Variants in DIDO1 observed in about 807,000 individuals in gnomAD.
DIDO1 encodes death inducer-obliterator 1.
In DIDO1, 16 loss-of-function variants were observed where a neutral mutation model predicts 99.4. The observed-to-expected ratio is 0.16, with a 90% confidence interval of 0.11 to 0.24. The LOEUF is 0.24. DIDO1 is among the 10% of genes least tolerant of loss of function. The pLI, the probability that DIDO1 is intolerant of heterozygous loss-of-function variation, is 1.00. For missense variants in DIDO1, 2,996 were observed against 3,014.0 expected, an observed-to-expected ratio of 0.99 and a Z score of 0.14; for synonymous variants, 1,366 against 1,239.1, an observed-to-expected ratio of 1.10 and a Z score of -2.15.
intron 1 of DIDO1, among the ~76,000 whole-genome samples, 154 bp from the exon 2 acceptor site, chr20:62,914,560 G>A (rs1352439323): frequency 1.3e-5 from 2 of 152,214 alleles, no homozygotes; most frequent in African/African-American, 4.8e-5. Context: ...CAGCACGCAA[G>A]CAGTGTCCTT....
upstream of DIDO1, among the ~76,000 whole-genome samples, chr20:62,931,052 T>C (rs1277949880): frequency 6.6e-6 from 1 of 152,204 alleles, no homozygotes; most frequent in African/African-American, 2.4e-5. Context: ...GCAACCCTCC[T>C]GCCTCACCCT....
Position 62,880,326 on chromosome 20 carries a change from G to A in DIDO1, c.5630C>T (p.Pro1877Leu), listed in dbSNP as rs757634830. The A allele has an allele frequency of 1.2e-6, 2 of 1,612,840 alleles. No homozygotes were observed. The highest frequency in any genetic ancestry group is 1.7e-5 in the Admixed American group (1 of 60,032). Residue 1877 changes from proline to leucine, a missense_variant, in exon 16 of 16, where the codon CCA becomes CTA. Physicochemically the swap from Pro to Leu is moderately conservative, Grantham distance 98. Coordinates refer to ENST00000395343, the MANE Select transcript of DIDO1 (RefSeq NM_001193369.2). ...PAQFEGTEQA[P>L]FLGSRGGAPF... is the part of the protein sequence containing the mutation. Reference sequence around the variant, plus strand: ...CGCGCCGCCTCTGCTTCCCAGAAATGGGGCTTGCTCTGTCCCTTCAAACTG... The same window carrying A: ...CGCGCCGCCTCTGCTTCCCAGAAATAGGGCTTGCTCTGTCCCTTCAAACTG...
At position 62,911,497 on chromosome 20, in the gene DIDO1, C is replaced by A; in HGVS notation, c.116G>T (p.Gly39Val). Residue 39 changes from glycine to valine, a missense_variant, in exon 3 of 16, where the codon GGC becomes GTC. Coordinates refer to ENST00000395343, the MANE Select transcript of DIDO1 (RefSeq NM_001193369.2). This position sits in a 1 kb window ranked among gnomAD's most constrained non-coding sequence, Gnocchi z 7.0. ...FRRTTIAKRE[G>V]AGDAEADPLE... ...TGGGTCAGCCTCCGCGTCCCCTGCG[C>A]CCTCTCGCTTGGCGATAGTGGTCCT... The A allele has an allele frequency of 6.2e-7, 1 of 1,612,844 alleles. No individual in the cohort carries two copies.
rs2064936957 is a variant in DIDO1 at position 62,911,396 on chromosome 20, G to A, written c.217C>T (p.Arg73Cys). ...RSGRQPKRTE[R>C]VEQFLTIARR... ...GCAATGGTCAGGAACTGCTCCACGCGCTCAGTGCGCTTGGGCTGCCTCCCA... is the reference window on the plus strand; with the variant it reads ...GCAATGGTCAGGAACTGCTCCACGCACTCAGTGCGCTTGGGCTGCCTCCCA... Residue 73 changes from arginine (R) to cysteine (C), a missense_variant, in exon 3 of 16, where the codon CGC becomes TGC. Around this residue, in one of 5 missense-constraint regions of DIDO1, gnomAD observed 388 missense variants for 376.6 expected, o/e 1.03. Coordinates refer to ENST00000395343, the MANE Select transcript of DIDO1 (RefSeq NM_001193369.2). The surrounding 1 kb of genome is among the most constrained non-coding windows in gnomAD (Gnocchi z 7.0). 3.1e-6 allele frequency: 5 copies of A among 1,611,920 alleles called. No individual in the cohort carries two copies. The highest frequency in any genetic ancestry group is 4.2e-6 in the Non-Finnish European group (5 of 1,179,304).
chr20:62,902,551 C>G (rs1312545179), intron 6 of DIDO1, among the ~76,000 whole-genome samples: 2 of 152,148 alleles, frequency 1.3e-5, no homozygotes, highest in African/African-American at 4.8e-5. Context: ...CTCTTAGGTT[C>G]TAGAATCCCC....
intron 8 of DIDO1, among the ~76,000 whole-genome samples, chr20:62,895,827 G>A (rs1555842245): frequency 2.6e-5 from 4 of 152,176 alleles, no homozygotes; most frequent in Non-Finnish European, 4.4e-5. Context: ...AGGCTCACTC[G>A]GCTGATGAGG....
In DIDO1 at chr20:62,896,713, G is replaced by A. The variant is rs2064534713; in HGVS notation, c.1872C>T (p.Ala624=). The part of the protein sequence containing the change: ...AGPAPAAATA[A]SKKFPGSAAL... ...CAGCGGAGCCAGGGAACTTCTTGGAGGCAGCCGTTGCCGCTGCAGGTGCCG... is the reference window on the plus strand; with the variant it reads ...CAGCGGAGCCAGGGAACTTCTTGGAAGCAGCCGTTGCCGCTGCAGGTGCCG... The change falls in exon 7 of 16, where the codon GCC becomes GCT. Residue 624 remains alanine, a synonymous_variant. Transcript: ENST00000395343. The surrounding 1 kb of genome is among the most constrained non-coding windows in gnomAD (Gnocchi z 4.4). The A allele has an allele frequency of 1.9e-6, 3 of 1,613,660 alleles. No individual in the cohort carries two copies. In the South Asian group the frequency reaches 3.3e-5, roughly 18 times the overall value.
At chr20:62,905,665 C>T (rs924004911) in intron 6 of DIDO1, 2 of 1,590,466 alleles carry the variant, frequency 1.3e-6, no homozygotes, top group African/African-American at 2.7e-5. Context: ...GTGAGGTTTA[C>T]AGCTTTGGAA....
At chr20:62,923,326 C>G (rs912818961) in intron 1 of DIDO1, among the ~76,000 whole-genome samples, 6 of 152,150 alleles carry the variant, frequency 3.9e-5, no homozygotes, top group African/African-American at 1.4e-4. Flanking sequence ...CAGGCACGTA[C>G]CACCACACCC....
intron 1 of DIDO1, among the ~76,000 whole-genome samples, chr20:62,921,151 C>T (rs2065129161): frequency 6.6e-6 from 1 of 152,216 alleles, no homozygotes; most frequent in African/African-American, 2.4e-5. Context: ...CCACCTTGGC[C>T]TCCCAAAGTG....
chr20:62,884,137 A>G lies in DIDO1; in HGVS notation c.3542-1723T>C, dbSNP rs139851184. ...CACGTAAAGCACCGAGGTGCTCAGC[A>G]AACAGGTGGCAAAGAGCAGAGCAGG... On this transcript the variant is annotated intron_variant, in intron 15 of 15. Coordinates refer to ENST00000395343, the MANE Select transcript of DIDO1 (RefSeq NM_001193369.2). Among the ~76,000 whole-genome samples, 298 of 152,358 alleles carry G rather than the reference A, an allele frequency of 2.0e-3. 2 individuals carry two copies. Among genetic ancestry groups the G allele is most frequent in the African/African-American group, 6.8e-3 (282 of 41,592 alleles).
chr20:62,885,629 T>C (rs1286196876), intron 15 of DIDO1, among the ~76,000 whole-genome samples: 9 of 152,176 alleles, frequency 5.9e-5, no homozygotes, highest in Admixed American at 5.9e-4. Flanking sequence ...TAAAGAAAGC[T>C]GCAGAGTCAG....
intron 15 of DIDO1, chr20:62,888,483 CT>C: frequency 2.0e-6 from 2 of 985,566 alleles, no homozygotes; most frequent in Non-Finnish European, 2.4e-6. Flanking sequence ...CCCAGCACTT[CT>C]GGGGGCGTGA....
intron 15 of DIDO1, chr20:62,888,895 T>A (rs966994234): frequency 1.0e-6 from 1 of 985,400 alleles, no homozygotes. Context: ...TATACTGAAG[T>A]CTTAAGTTAA....
At position 62,894,773 on chromosome 20, in the gene DIDO1, C is replaced by CTA; in HGVS notation, c.2436+35_2436+36dup. On this transcript the variant is annotated intron_variant, in intron 10 of 15. Coordinates refer to ENST00000395343, the MANE Select transcript of DIDO1 (RefSeq NM_001193369.2). This position sits in a 1 kb window ranked among gnomAD's most constrained non-coding sequence, Gnocchi z 4.4. ...CTCAAAACATTTGGGATGGATTAGT[C>CTA]TATTCTCGGTGAACACAAAATCTCC... 1 of 1,585,434 alleles carries CTA rather than the reference C, an allele frequency of 6.3e-7. No homozygotes were observed. Among genetic ancestry groups the CTA allele is most frequent in the Non-Finnish European group, 8.6e-7 (1 of 1,163,290 alleles).
chr20:62,937,525 C>G (rs2065404000), intron 1 of DIDO1, among the ~76,000 whole-genome samples: 1 of 152,248 alleles, frequency 6.6e-6, no homozygotes, highest in African/African-American at 2.4e-5. Context: ...CAGGGCCCTT[C>G]TGATTCCCCA....
chr20:62,890,741 A>G, intron 15 of DIDO1: 1 of 1,407,206 alleles, frequency 7.1e-7, no homozygotes, highest in Non-Finnish European at 9.2e-7. Flanking sequence ...CCTCTCTAAA[A>G]AACTCTCCTA....
In DIDO1 at chr20:62,888,741, C is replaced by A. The variant is rs561977185; in HGVS notation, c.3541+2219G>T. 14 of 985,470 alleles carry A rather than the reference C, an allele frequency of 1.4e-5. No homozygotes were observed. The South Asian group carries it at 6.6e-4, about 46-fold the overall frequency. 61.0% of individuals were successfully genotyped at this position (985,470 alleles called of 1,614,324 possible). ...CATGTACATGTTTATATCTAGAAAA[C>A]GCCAAGTCAAGTAATCAGTACGTGA... On this transcript the variant is annotated intron_variant, in intron 15 of 15. Coordinates refer to ENST00000395343, the MANE Select transcript of DIDO1 (RefSeq NM_001193369.2).
chr20:62,935,998 A>C (rs1329103804), intron 1 of DIDO1, among the ~76,000 whole-genome samples: 1 of 152,254 alleles, frequency 6.6e-6, no homozygotes, highest in Non-Finnish European at 1.5e-5. Flanking sequence ...GAGGAGGAGC[A>C]TTAACCTGTG....
Sources: gnomAD v4.1 joint callset for allele counts (sites outside exome capture counted in the v4.1 genomes callset) on GRCh38, gnomAD v4.1.1 for gene constraint, gnomAD v4.1.1 regional missense constraint, Gnocchi (gnomAD v3.1) non-coding constraint, MANE v1.5 for transcripts, NCBI Gene and HGNC (gene_info 2026-07-23, HGNC 2026-07-21) for gene names.